The following CDC37L1 variants were observed in gnomAD, a reference collection of about 807,000 sequenced individuals.
CDC37L1 encodes the protein hsp90 co-chaperone Cdc37-like 1.
Under a neutral mutation model 45.9 loss-of-function variants are expected in CDC37L1, and 32 were observed. The ratio of observed to expected loss-of-function variants is 0.70; its 90% confidence interval spans 0.53 to 0.94. CDC37L1 has a LOEUF of 0.94. Ranked by LOEUF, CDC37L1 falls within the 40% of genes least tolerant of loss-of-function variation. The pLI is 0.00. For missense variants in CDC37L1, 434 were observed against 405.7 expected, an observed-to-expected ratio of 1.07 and a Z score of -0.60; for synonymous variants, 150 against 133.0, an observed-to-expected ratio of 1.13 and a Z score of -0.88.
chr9:4,707,068 G>A lies in CDC37L1; in HGVS notation c.*956G>A, dbSNP rs574288812. ...AATGATTTTTTTTTTAAAGGCAAGA[G>A]AAATCTTGTAGTGCTAACTGCCTTG... is the stretch of plus-strand genomic sequence containing the variant. On this transcript the variant is annotated 3_prime_UTR_variant, in exon 7 of 7. Transcript: ENST00000381854. The A allele has an allele frequency of 1.3e-5, 2 of 152,116 alleles. No homozygotes were observed. The highest frequency in any genetic ancestry group is 4.8e-5 in the African/African-American group (2 of 41,500). 9.4% of individuals were successfully genotyped at this position (152,116 alleles called of 1,614,324 possible).
intron 3 of CDC37L1, among the ~76,000 whole-genome samples, chr9:4,693,374 T>A (rs774327550): frequency 1.6e-4 from 25 of 151,966 alleles, no homozygotes; most frequent in Admixed American, 4.6e-4. Flanking sequence ...GCCCAGGAGG[T>A]TGAGGCTGCA....
chr9:4,697,946 C>T (rs1841362862), intron 5 of CDC37L1, 67 bp downstream of exon 5: 1 of 1,478,580 alleles, frequency 6.8e-7, no homozygotes. Flanking sequence ...TTGTTCTGTT[C>T]ATATCAATAG....
At chr9:4,700,073 T>G (rs1040056780) in intron 5 of CDC37L1, among the ~76,000 whole-genome samples, 1 of 152,174 alleles carries the variant, frequency 6.6e-6, no homozygotes, top group Admixed American at 6.5e-5. Flanking sequence ...AACCAAAATA[T>G]GAAATTTTCC....
At chr9:4,697,917 G>A (rs1166391058) in intron 5 of CDC37L1, 38 bp downstream of exon 5, 5 of 1,603,448 alleles carry the variant, frequency 3.1e-6, no homozygotes, top group Non-Finnish European at 4.3e-6. Flanking sequence ...GGGAAGATTT[G>A]GTCCCAGCTG....
intron 6 of CDC37L1, among the ~76,000 whole-genome samples, chr9:4,704,081 C>G (rs1297637937): frequency 6.6e-6 from 1 of 152,130 alleles, no homozygotes; most frequent in Admixed American, 6.5e-5. Context: ...ACCTGAAAGA[C>G]CAAATCATCA....
At chr9:4,696,470 T>A (rs955044164) in intron 3 of CDC37L1, among the ~76,000 whole-genome samples, 5 of 146,830 alleles carry the variant, frequency 3.4e-5, no homozygotes, top group African/African-American at 1.3e-4. Flanking sequence ...ATAATAAGCC[T>A]CTCATCTTTA....
At chr9:4,705,095 T>C (rs1263488269) in intron 6 of CDC37L1, among the ~76,000 whole-genome samples, 3 of 152,198 alleles carry the variant, frequency 2.0e-5, no homozygotes, top group Admixed American at 6.5e-5. Context: ...TAGGAGGATC[T>C]TTAGAAAACC....
At chr9:4,690,648 C>T (rs1035576226) in intron 3 of CDC37L1, among the ~76,000 whole-genome samples, 7 of 152,280 alleles carry the variant, frequency 4.6e-5, no homozygotes, top group East Asian at 1.9e-4. Flanking sequence ...TTTGCTGTTA[C>T]GTGTTGTGAA....
chr9:4,704,144 T>C (rs190013830), intron 6 of CDC37L1, among the ~76,000 whole-genome samples: 151 of 152,370 alleles, frequency 9.9e-4, no homozygotes, highest in Middle Eastern at 6.8e-3. Context: ...CCCATTTTTA[T>C]ATCAGTTTAT....
In CDC37L1 at chr9:4,685,123, A is replaced by G; in HGVS notation, c.379A>G (p.Ser127Gly). The G allele has an allele frequency of 6.2e-7, 1 of 1,613,904 alleles. No homozygotes were observed. Among genetic ancestry groups the G allele is most frequent in the African/African-American group, 1.3e-5 (1 of 75,050 alleles). The change falls in exon 2 of 7, where the codon AGC (serine) becomes GGC (glycine). Residue 127 changes from serine to glycine, a missense_variant. By Grantham distance (56) the Ser-to-Gly change is moderately conservative (BLOSUM62 0). Transcript: ENST00000381854. ...LVQREKMCLW[S>G]TDAISKDVFN... ...ACAAAGAGAGAAGATGTGTCTGTGGAGCACGGATGCCATTAGCAAGGATGT... is the reference window on the plus strand; with the variant it reads ...ACAAAGAGAGAAGATGTGTCTGTGGGGCACGGATGCCATTAGCAAGGATGT...
At chr9:4,683,903 T>C (rs930388050) in intron 1 of CDC37L1, among the ~76,000 whole-genome samples, 1 of 152,226 alleles carries the variant, frequency 6.6e-6, no homozygotes, top group African/African-American at 2.4e-5. Flanking sequence ...ATCACAGTAC[T>C]TTACATGTAG....
chr9:4,682,845 T>TTTTCC (rs1371418270), intron 1 of CDC37L1, among the ~76,000 whole-genome samples: 1 of 151,602 alleles, frequency 6.6e-6, no homozygotes, highest in Non-Finnish European at 1.5e-5. Context: ...ATTTTTCTCC[T>TTTTCC]TTTCCTGGCT....
chr9:4,695,826 T>C (rs2130850744), intron 3 of CDC37L1, among the ~76,000 whole-genome samples: 1 of 152,328 alleles, frequency 6.6e-6, no homozygotes, highest in East Asian at 1.9e-4. Context: ...TCTCTCGCTC[T>C]GTCGCCCAGG....
chr9:4,690,318 G>A (rs1214645750), intron 3 of CDC37L1, among the ~76,000 whole-genome samples: 1 of 152,166 alleles, frequency 6.6e-6, no homozygotes, highest in Admixed American at 6.5e-5. Context: ...GCTCGTTCAA[G>A]TGAGGAATTA....
At chr9:4,695,673 T>C (rs1278552974) in intron 3 of CDC37L1, among the ~76,000 whole-genome samples, 1 of 152,038 alleles carries the variant, frequency 6.6e-6, no homozygotes, top group Non-Finnish European at 1.5e-5. Context: ...TTTTAAGCTT[T>C]TTCTGTAGAG....
rs1278755719 is a variant in CDC37L1, at chr9:4,685,076, G to A, written c.332G>A (p.Arg111Gln). Residue 111 changes from arginine (R) to glutamine (Q), a missense_variant, in exon 2 of 7, where the codon CGA (arginine) becomes CAA (glutamine). Coordinates refer to ENST00000381854, the MANE Select transcript of CDC37L1 (RefSeq NM_017913.4). ...SELRQREEEWRQKEEALVQRE... is the reference protein window; with the variant it reads ...SELRQREEEWQQKEEALVQRE... ...CTGAGGCAACGGGAAGAAGAGTGGC[G>A]ACAGAAAGAAGAAGCTCTAGTACAA... 19 of 1,613,630 alleles carry A rather than the reference G, an allele frequency of 1.2e-5. No individual in the cohort carries two copies. Among genetic ancestry groups the A allele is most frequent in the Non-Finnish European group, 1.4e-5 (16 of 1,179,676 alleles).
rs775331635 is a variant in CDC37L1 at position 4,679,753 on chromosome 9, C to A, written c.-15C>A. 6.2e-7 allele frequency: 1 copy of A among 1,606,826 alleles called. No individual in the cohort carries two copies. Among genetic ancestry groups the A allele is most frequent in the South Asian group, 1.1e-5 (1 of 90,602 alleles). On this transcript the variant is annotated 5_prime_UTR_variant, in exon 1 of 7. Transcript: ENST00000381854. ...GTAGGGCCAAGGGCGGTTGTAGGAC[C>A]CGGAGCAGCCGGACATGGAACAACC...
chr9:4,684,885 C>G lies in CDC37L1; in HGVS notation c.141C>G (p.Ser47Arg). ...ATATTGTTTTTATCCAGATGTATAG[C>G]CATGGAATTGAATTGGCTTGCCAAA... ...QLPGGGAQMY[S>R]HGIELACQKQ... The change falls in exon 2 of 7, where the codon AGC becomes AGG. Residue 47 changes from serine (S) to arginine (R), a missense_variant. Coordinates refer to ENST00000381854, the MANE Select transcript of CDC37L1 (RefSeq NM_017913.4). 6.2e-7 allele frequency: 1 copy of G among 1,609,152 alleles called. No individual in the cohort carries two copies. The highest frequency in any genetic ancestry group is 8.5e-7 in the Non-Finnish European group (1 of 1,175,872).
chr9:4,692,291 C>T (rs1414628529), intron 3 of CDC37L1, among the ~76,000 whole-genome samples: 3 of 147,248 alleles, frequency 2.0e-5, no homozygotes, highest in East Asian at 2.0e-4. Flanking sequence ...TTTTTTGAGA[C>T]GAAATCTCGC....
Sources: allele counts gnomAD v4.1 joint callset (sites outside exome capture counted in the v4.1 genomes callset), GRCh38; gene constraint gnomAD v4.1.1; transcripts MANE v1.5; gene names NCBI Gene and HGNC (gene_info 2026-07-23, HGNC 2026-07-21).